The following NCOA3 variants were observed in gnomAD, a reference collection of about 807,000 sequenced individuals.
NCOA3 encodes the protein nuclear receptor coactivator 3, also known as CBP-interacting protein.
A neutral mutation model predicts 158.8 loss-of-function variants in NCOA3; 51 were observed. The ratio of observed to expected loss-of-function variants is 0.32; its 90% CI spans 0.26 to 0.41. NCOA3 has a LOEUF of 0.41. Among genes scored for constraint, NCOA3 ranks in the 10% least tolerant of loss-of-function variants. The pLI, the probability that NCOA3 is intolerant of heterozygous loss-of-function variation, is 1.00. For missense variants in NCOA3, 1,510 were observed against 1,746.6 expected (o/e 0.86, Z 2.41); for synonymous variants, 537 against 592.4 (o/e 0.91, Z 1.36).
At position 47,572,537 on chromosome 20, in the gene NCOA3, C is replaced by T. The variant is rs72662709; in HGVS notation, c.-98-10646C>T. 2.1e-3 allele frequency among the ~76,000 whole-genome samples: 315 copies of T among 151,606 alleles called. 1 individual carries two copies. The highest frequency in any genetic ancestry group is 8.3e-3 in the South Asian group (40 of 4,794). The stretch of plus-strand genomic sequence containing the variant: ...AAGCTTAATCATTTCTAGCCCCCCC[C>T]ACCTGCCTTTTTTTTTTATGAGACA... On this transcript the variant is annotated intron_variant, in intron 1 of 22. Transcript: ENST00000371998.
intron 1 of NCOA3, among the ~76,000 whole-genome samples, chr20:47,536,290 T>A (rs1420257722): frequency 1.3e-5 from 2 of 152,104 alleles, no homozygotes; most frequent in Non-Finnish European, 2.9e-5. Flanking sequence ...TATGATAAAA[T>A]TTTTTTGTAG....
intron 1 of NCOA3, among the ~76,000 whole-genome samples, chr20:47,524,501 G>T (rs951909989): frequency 1.3e-5 from 2 of 152,292 alleles, no homozygotes; most frequent in South Asian, 4.1e-4. Context: ...TCTAATGAGT[G>T]GGGGAACACC....
chr20:47,603,177 C>T (rs995943807), intron 2 of NCOA3, among the ~76,000 whole-genome samples: 6 of 152,236 alleles, frequency 3.9e-5, no homozygotes, highest in African/African-American at 1.4e-4. Context: ...AAGATCTTAG[C>T]ATCTTTGAGA....
At chr20:47,607,912 A>T (rs1478223844) in intron 2 of NCOA3, among the ~76,000 whole-genome samples, 1 of 152,240 alleles carries the variant, frequency 6.6e-6, no homozygotes, top group Non-Finnish European at 1.5e-5. Context: ...TAAGTCAGGT[A>T]ATTATATGCA....
In NCOA3 at chr20:47,654,868, G is replaced by A. The variant is rs2086849329; in HGVS notation, c.*1451G>A. On this transcript the variant is annotated 3_prime_UTR_variant, in exon 23 of 23. Transcript: ENST00000371998. ...ATGGGCTGTGTGTGTGTGTGTATGT[G>A]TGTGTGTGTGTGTGTATGTTTAATT... The A allele has an allele frequency of 6.6e-6, 1 of 151,906 alleles. No homozygotes were observed. Among genetic ancestry groups the A allele is most frequent in the Non-Finnish European group, 1.5e-5 (1 of 67,960 alleles). The allele number at this position is 151,906 out of a possible 1,614,324, so 9.4% of individuals were successfully genotyped here. A position where few individuals can be genotyped will look rare whatever the true frequency, so the allele number is the denominator to read the frequency against.
At chr20:47,521,969 C>A (rs576919105) in intron 1 of NCOA3, among the ~76,000 whole-genome samples, 2 of 152,036 alleles carry the variant, frequency 1.3e-5, no homozygotes, top group Non-Finnish European at 2.9e-5. Context: ...ATCGGTTGAT[C>A]AATTTGGAGA....
rs186213474 is a variant in NCOA3 at position 47,504,023 on chromosome 20, C to T, written c.-99+2004C>T. The stretch of plus-strand genomic sequence containing the variant: ...GCGGGAGGCTGTAATATTTCTAGAG[C>T]AGTTATAGGAAATATTTCTGCCATA... On this transcript the variant is annotated intron_variant, in intron 1 of 22. Transcript: ENST00000371998. Among the ~76,000 whole-genome samples, 3 of 152,160 alleles carry T rather than the reference C, an allele frequency of 2.0e-5. No individual in the cohort carries two copies. In the East Asian group the frequency reaches 5.8e-4, roughly 29 times the overall value.
At chr20:47,569,859 A>G (rs1341677908) in intron 1 of NCOA3, among the ~76,000 whole-genome samples, 1 of 151,260 alleles carries the variant, frequency 6.6e-6, no homozygotes, top group African/African-American at 2.4e-5. Flanking sequence ...AAATACAAAA[A>G]ATTAGCTGGA....
chr20:47,539,953 A>G (rs1427644014), intron 1 of NCOA3, among the ~76,000 whole-genome samples: 1 of 152,236 alleles, frequency 6.6e-6, no homozygotes, highest in Non-Finnish European at 1.5e-5. Context: ...TTTAAGGGAT[A>G]CTAGTTTTAC....
At chr20:47,515,387 C>T (rs748923146) in intron 1 of NCOA3, among the ~76,000 whole-genome samples, 1 of 150,352 alleles carries the variant, frequency 6.7e-6, no homozygotes, top group Non-Finnish European at 1.5e-5. Context: ...CTCCTGATGT[C>T]GTGATCCACC....
At chr20:47,623,367 C>T (rs1192654270) in intron 3 of NCOA3, among the ~76,000 whole-genome samples, 3 of 152,174 alleles carry the variant, frequency 2.0e-5, no homozygotes, top group African/African-American at 7.2e-5. Flanking sequence ...GCTAACTCTG[C>T]CCAAGGCCAC....
chr20:47,514,262 A>G (rs2146062236), intron 1 of NCOA3, among the ~76,000 whole-genome samples: 2 of 152,014 alleles, frequency 1.3e-5, no homozygotes, highest in South Asian at 2.1e-4. Flanking sequence ...AAGTAGAGGC[A>G]GAGATGGATT....
Position 47,653,456 on chromosome 20 carries a change from A to G in NCOA3, c.*39A>G. The G allele has an allele frequency of 6.2e-7, 1 of 1,604,334 alleles. No homozygotes were observed. The highest frequency in any genetic ancestry group is 8.5e-7 in the Non-Finnish European group (1 of 1,174,400). The stretch of plus-strand genomic sequence containing the variant: ...GGACCTCTTAAGGAAACCACTGTAC[A>G]AATGACACTGCACTAGGATTATTGG... On this transcript the variant is annotated 3_prime_UTR_variant, in exon 23 of 23. Transcript: ENST00000371998.
rs562197696 is a variant in NCOA3, at chr20:47,513,400, C to T, written c.-99+11381C>T. ...CTGAATAAATCATGATATAACCATACAATGGAATGCAGTGTAATTATTAGA... is the reference window on the plus strand; with the variant it reads ...CTGAATAAATCATGATATAACCATATAATGGAATGCAGTGTAATTATTAGA... On this transcript the variant is annotated intron_variant, in intron 1 of 22. Transcript: ENST00000371998. 5.9e-5 allele frequency among the ~76,000 whole-genome samples: 9 copies of T among 152,106 alleles called. No individual in the cohort carries two copies. In the East Asian group the frequency reaches 1.7e-3, roughly 29 times the overall value.
At chr20:47,542,770 T>C (rs2084765850) in intron 1 of NCOA3, among the ~76,000 whole-genome samples, 1 of 152,182 alleles carries the variant, frequency 6.6e-6, no homozygotes, top group Non-Finnish European at 1.5e-5. Flanking sequence ...GAGACCAGCC[T>C]GGGCAACATG....
In NCOA3 at chr20:47,577,214, A is replaced by G. The variant is rs565139358; in HGVS notation, c.-98-5969A>G. ...TTTAAGTTTTAGCTACCTTTACCCC[A>G]TTTATGTTTCCTGTATCCCTATGTA... On this transcript the variant is annotated intron_variant, in intron 1 of 22. Coordinates refer to ENST00000371998, the MANE Select transcript of NCOA3 (RefSeq NM_181659.3). Among the ~76,000 whole-genome samples, 44 of 152,278 alleles carry G rather than the reference A, an allele frequency of 2.9e-4. 1 individual carries two copies. The highest frequency in any genetic ancestry group is 1.0e-3 in the African/African-American group (43 of 41,558).
intron 2 of NCOA3, among the ~76,000 whole-genome samples, chr20:47,602,014 T>C (rs1192636642): frequency 2.0e-5 from 3 of 152,262 alleles, no homozygotes; most frequent in Non-Finnish European, 4.4e-5. Context: ...ATGTATTGCT[T>C]ATCATTAATA....
chr20:47,606,224 A>G lies in NCOA3; in HGVS notation c.-19-16005A>G, dbSNP rs546033405. Among the ~76,000 whole-genome samples the G allele has an allele frequency of 2.0e-5, 3 of 152,268 alleles. No homozygotes were observed. The South Asian group carries it at 6.2e-4, about 32-fold the overall frequency. ...AGGCTCTCAGCCCCAACCTTAATCT[A>G]ATATAGTGGCTCTCAACGTGTGGTG... On this transcript the variant is annotated intron_variant, in intron 2 of 22. Coordinates refer to ENST00000371998, the MANE Select transcript of NCOA3 (RefSeq NM_181659.3).
At chr20:47,582,297 CT>C (rs1430471873) in intron 1 of NCOA3, among the ~76,000 whole-genome samples, 3 of 152,224 alleles carry the variant, frequency 2.0e-5, no homozygotes, top group Non-Finnish European at 4.4e-5. Flanking sequence ...ACTGTAACCT[CT>C]GCTTCCCTAA....
Sources: allele counts gnomAD v4.1 joint callset (sites outside exome capture counted in the v4.1 genomes callset), GRCh38; gene constraint gnomAD v4.1.1; transcripts MANE v1.5; gene names NCBI Gene and HGNC (gene_info 2026-07-23, HGNC 2026-07-21).